PDE3A: variants seen among roughly 807,000 people sequenced by gnomAD.
The protein encoded by PDE3A is phosphodiesterase 3A.
PDE3A carries 43 observed loss-of-function variants against 98.3 expected under a neutral mutation model. That is an observed-to-expected ratio of 0.44 (90% CI 0.34 to 0.56). The LOEUF is 0.56. PDE3A is among the 20% of genes least tolerant of loss of function. PDE3A has a pLI of 0.01. For missense variants in PDE3A, 1,427 were observed against 1,440.7 expected (o/e 0.99, Z 0.15); for synonymous variants, 663 against 567.9 (o/e 1.17, Z -2.38).
At chr12:20,621,438 C>A in intron 5 of PDE3A, 27 bp downstream of exon 5, 2 of 1,190,854 alleles carry the variant, frequency 1.7e-6, no homozygotes, top group Non-Finnish European at 2.5e-6. Context: ...GAGAAGGGTT[C>A]ATACTGTGAG....
intron 2 of PDE3A, among the ~76,000 whole-genome samples, chr12:20,569,131 A>AATG (rs1942732624): frequency 6.6e-6 from 1 of 152,096 alleles, no homozygotes; most frequent in Admixed American, 6.5e-5. Flanking sequence ...AAAGTAAGAT[A>AATG]TTTTATTAAC....
chr12:20,486,886 G>A (rs559209314), intron 1 of PDE3A, among the ~76,000 whole-genome samples: 1 of 152,220 alleles, frequency 6.6e-6, no homozygotes, highest in African/African-American at 2.4e-5. Flanking sequence ...TGCCTGCCTT[G>A]GCCTCCCAAA....
intron 1 of PDE3A, among the ~76,000 whole-genome samples, chr12:20,462,923 C>T (rs1175105570): frequency 6.6e-6 from 1 of 151,844 alleles, no homozygotes; most frequent in Non-Finnish European, 1.5e-5. Flanking sequence ...CTGAGTATAC[C>T]ACCATGCCAG....
intron 1 of PDE3A, among the ~76,000 whole-genome samples, chr12:20,403,423 G>A (rs544069593): frequency 6.6e-6 from 1 of 152,228 alleles, no homozygotes; most frequent in African/African-American, 2.4e-5. Flanking sequence ...CAGGTTAATA[G>A]TCTTATTTAT....
At chr12:20,475,068 G>A (rs1011255244) in intron 1 of PDE3A, among the ~76,000 whole-genome samples, 2 of 151,852 alleles carry the variant, frequency 1.3e-5, no homozygotes, top group Non-Finnish European at 2.9e-5. Flanking sequence ...GGTCACTGTT[G>A]ATCAAAAATG....
chr12:20,552,491 A>G lies in PDE3A; in HGVS notation c.961-4169A>G. 6.2e-7 allele frequency: 1 copy of G among 1,612,976 alleles called. No homozygotes were observed. Among genetic ancestry groups the G allele is most frequent in the Non-Finnish European group, 8.5e-7 (1 of 1,179,626 alleles). On this transcript the variant is annotated intron_variant, in intron 1 of 15. Transcript: ENST00000359062. This position sits in a 1 kb window ranked among gnomAD's most constrained non-coding sequence, Gnocchi z 5.1. The stretch of plus-strand genomic sequence containing the variant: ...GAAGCCCTGGCCAACCGAGAGCGAG[A>G]GAAGGAGAACAGCAAGAGGGAGGAG...
rs564881641 is a variant in PDE3A at position 20,637,862 on chromosome 12, A to G, written c.2139+625A>G. Among the ~76,000 whole-genome samples, 12 of 152,306 alleles carry G rather than the reference A, an allele frequency of 7.9e-5. No individual in the cohort carries two copies. In the East Asian group the frequency reaches 2.1e-3, roughly 27 times the overall value. On this transcript the variant is annotated intron_variant, in intron 9 of 15. Coordinates refer to ENST00000359062, the MANE Select transcript of PDE3A (RefSeq NM_000921.5). ...ACATGTAGAAATTAAGAATTTGAAAATGTTTGTTTTAAACCATAAAACAAA... is the reference window on the plus strand; with the variant it reads ...ACATGTAGAAATTAAGAATTTGAAAGTGTTTGTTTTAAACCATAAAACAAA...
chr12:20,447,399 C>T (rs1305703571), intron 1 of PDE3A, among the ~76,000 whole-genome samples: 1 of 152,208 alleles, frequency 6.6e-6, no homozygotes, highest in Admixed American at 6.5e-5. Flanking sequence ...GGGGGCTGGT[C>T]ACCAGAATGG....
chr12:20,411,188 T>C (rs1944326980), intron 1 of PDE3A, among the ~76,000 whole-genome samples: 1 of 152,226 alleles, frequency 6.6e-6, no homozygotes, highest in African/African-American at 2.4e-5. Flanking sequence ...GTGCACATTT[T>C]AATGGTAATA....
intron 1 of PDE3A, among the ~76,000 whole-genome samples, chr12:20,384,688 C>A (rs112341451): frequency 6.6e-6 from 1 of 151,812 alleles, no homozygotes; most frequent in Admixed American, 6.6e-5. Flanking sequence ...TTCACCCTGT[C>A]GCCCCACCCG....
chr12:20,421,470 C>T (rs1591913798), intron 1 of PDE3A, among the ~76,000 whole-genome samples: 1 of 151,922 alleles, frequency 6.6e-6, no homozygotes, highest in South Asian at 2.1e-4. Context: ...TTAATTGCAG[C>T]GAAGTTAATC....
intron 2 of PDE3A, among the ~76,000 whole-genome samples, chr12:20,607,431 C>T (rs1943736720): frequency 1.5e-5 from 2 of 134,662 alleles, no homozygotes; most frequent in African/African-American, 5.6e-5. Context: ...AGTGAGACTC[C>T]GTCTCAAAAA....
intron 1 of PDE3A, chr12:20,551,533 G>A: frequency 1.6e-6 from 2 of 1,232,660 alleles, no homozygotes; most frequent in Non-Finnish European, 2.3e-6. Context: ...TAACGAACGA[G>A]ACTCTGGCAT....
chr12:20,489,687 C>A (rs1228614365), intron 1 of PDE3A, among the ~76,000 whole-genome samples: 1 of 151,760 alleles, frequency 6.6e-6, no homozygotes, highest in Admixed American at 6.5e-5. Context: ...TTTTGCCTCA[C>A]CTACAGACAA....
chr12:20,602,025 C>A lies in PDE3A; in HGVS notation c.1012-11418C>A, dbSNP rs1943605253. ...TTATTTCAGAGATTCTTAGTTATTC[C>A]TATCATTTTTTAAAACTCTTTCTCA... is the stretch of plus-strand genomic sequence containing the variant. On this transcript the variant is annotated intron_variant, in intron 2 of 15. Coordinates refer to ENST00000359062, the MANE Select transcript of PDE3A (RefSeq NM_000921.5). Among the ~76,000 whole-genome samples the A allele has an allele frequency of 2.6e-5, 4 of 152,266 alleles. No homozygotes were observed. The South Asian group carries it at 8.3e-4, about 31-fold the overall frequency.
chr12:20,481,764 ATTTTT>A lies in PDE3A; in HGVS notation c.961-74878_961-74874del, dbSNP rs10657239. ...TCCATGTAAGTGACTTGGGAAATAG[ATTTTT>A]TTTTTTTTTTTTTTTTTGAGCAGAG... On this transcript the variant is annotated intron_variant, in intron 1 of 15. Transcript: ENST00000359062. Among the ~76,000 whole-genome samples the A allele has an allele frequency of 5.3e-3, 421 of 79,592 alleles. 11 individuals carry two copies. Among genetic ancestry groups the A allele is most frequent in the African/African-American group, 0.019 (369 of 19,302 alleles). 52.2% of individuals were successfully genotyped at this position (79,592 alleles called of 152,430 possible).
At chr12:20,627,565 AC>A (rs1335516300) in intron 5 of PDE3A, among the ~76,000 whole-genome samples, 2 of 137,566 alleles carry the variant, frequency 1.5e-5, no homozygotes, top group East Asian at 2.2e-4. Flanking sequence ...AATTTTACCC[AC>A]CCCCACCCTT....
At chr12:20,545,658 A>T (rs1191256953) in intron 1 of PDE3A, among the ~76,000 whole-genome samples, 2 of 151,834 alleles carry the variant, frequency 1.3e-5, no homozygotes, top group Admixed American at 1.3e-4. Context: ...TTGTTTGGGG[A>T]ACAGTAAGAG....
chr12:20,572,145 A>G, intron 2 of PDE3A: 1 of 1,278,912 alleles, frequency 7.8e-7, no homozygotes, highest in Non-Finnish European at 1.0e-6. Flanking sequence ...GATATTTTCC[A>G]AATCGTGGAG....
Sources: allele counts gnomAD v4.1 joint callset (sites outside exome capture counted in the v4.1 genomes callset), GRCh38; gene constraint gnomAD v4.1.1; non-coding constraint Gnocchi (gnomAD v3.1); transcripts MANE v1.5; gene names NCBI Gene and HGNC (gene_info 2026-07-23, HGNC 2026-07-21).